PARK7: variants seen among roughly 807,000 people sequenced by gnomAD.
PARK7 encodes the protein Parkinsonism associated deglycase, also known as Parkinson disease protein 7.
In PARK7, 14 loss-of-function variants were observed where a neutral mutation model predicts 20.5. The ratio of observed to expected loss-of-function variants is 0.68; its 90% confidence interval spans 0.45 to 1.07. The LOEUF is 1.07. Among genes scored for constraint, PARK7 ranks in the 50% least tolerant of loss-of-function variants. PARK7 has a pLI of 0.00. For missense variants in PARK7, 234 were observed against 238.1 expected (o/e 0.98, Z 0.11); for synonymous variants, 98 against 84.3 (o/e 1.16, Z -0.89).
rs11801605 is a variant in PARK7 at position 7,969,196 on chromosome 1, A to G, written c.193-149A>G. The G allele has an allele frequency of 6.5e-3, 4,238 of 650,302 alleles. 129 individuals carry two copies. In the African/African-American group the frequency reaches 0.068, roughly 10 times the overall value. The allele number at this position is 650,302 out of a possible 1,614,324, so 40.3% of individuals were successfully genotyped here. A position where few individuals can be genotyped will look rare whatever the true frequency, so the allele number is the denominator to read the frequency against. ...TAAAACACCATTCCGTCATGTGGAT[A>G]CACCTTAATTTATTTAACTGTTCTA... On this transcript the variant is annotated intron_variant, in intron 3 of 6. Coordinates refer to ENST00000338639, the MANE Select transcript of PARK7 (RefSeq NM_007262.5).
chr1:7,979,703 T>C (rs964356914), intron 6 of PARK7, among the ~76,000 whole-genome samples: 2 of 152,134 alleles, frequency 1.3e-5, no homozygotes, highest in Non-Finnish European at 2.9e-5. Flanking sequence ...GGTCTAACCA[T>C]ATTGCACAGT....
chr1:7,968,302 CAAAAA>C (rs34105225), intron 3 of PARK7, among the ~76,000 whole-genome samples: 1 of 101,844 alleles, frequency 9.8e-6, no homozygotes, highest in African/African-American at 3.9e-5. Context: ...GACTCTGTCT[CAAAAA>C]AAAAAAAAAA....
intron 5 of PARK7, among the ~76,000 whole-genome samples, chr1:7,972,336 T>C (rs1640483557): frequency 6.6e-6 from 1 of 152,004 alleles, no homozygotes; most frequent in South Asian, 2.1e-4. Context: ...AGCACAGTAC[T>C]GCATGCATGT....
intron 6 of PARK7, among the ~76,000 whole-genome samples, chr1:7,981,394 A>G (rs1440504175): frequency 6.6e-6 from 1 of 152,206 alleles, no homozygotes; most frequent in Non-Finnish European, 1.5e-5. Context: ...TCAGACAGCC[A>G]CTAAATGGCA....
chr1:7,976,712 TTTA>T (rs1640590243), intron 5 of PARK7, among the ~76,000 whole-genome samples: 1 of 151,436 alleles, frequency 6.6e-6, no homozygotes, highest in Admixed American at 6.6e-5. Context: ...AATTTCCCAT[TTTA>T]TTTATTTATT....
intron 6 of PARK7, among the ~76,000 whole-genome samples, chr1:7,978,735 G>A (rs1640641471): frequency 1.3e-5 from 2 of 151,876 alleles, no homozygotes; most frequent in Admixed American, 6.6e-5. Flanking sequence ...AGTTGCAGCT[G>A]CTCAGGAGGC....
At chr1:7,962,622 T>C in intron 1 of PARK7, 141 bp from the exon 2 acceptor site, 1 of 614,386 alleles carries the variant, frequency 1.6e-6, no homozygotes, top group East Asian at 2.8e-5. Flanking sequence ...CTGCTGCTTT[T>C]TTCGTATTCA....
chr1:7,975,860 C>G (rs1396562375), intron 5 of PARK7, among the ~76,000 whole-genome samples: 1 of 152,128 alleles, frequency 6.6e-6, no homozygotes, highest in Non-Finnish European at 1.5e-5. Context: ...ATTTATAAAT[C>G]CATTCAAATA....
Position 7,977,379 on chromosome 1 carries a change from A to G in PARK7, c.323-273A>G, listed in dbSNP as rs368398161. Among the ~76,000 whole-genome samples the G allele has an allele frequency of 5.9e-5, 9 of 152,338 alleles. No individual in the cohort carries two copies. The South Asian group carries it at 1.9e-3, about 32-fold the overall frequency. ...ATAAACATACTTTATCTCTCATACTAGGAAGTGTTTCATTTCAGAATCGTA... is the reference window on the plus strand; with the variant it reads ...ATAAACATACTTTATCTCTCATACTGGGAAGTGTTTCATTTCAGAATCGTA... On this transcript the variant is annotated intron_variant, in intron 5 of 6. Coordinates refer to ENST00000338639, the MANE Select transcript of PARK7 (RefSeq NM_007262.5).
At chr1:7,963,764 C>T (rs970355691) in intron 2 of PARK7, among the ~76,000 whole-genome samples, 4 of 151,778 alleles carry the variant, frequency 2.6e-5, no homozygotes, top group Non-Finnish European at 5.9e-5. Context: ...GCCCCTTCTT[C>T]CTTCCTTAAA....
intron 6 of PARK7, among the ~76,000 whole-genome samples, chr1:7,981,938 G>A (rs565171341): frequency 4.7e-5 from 7 of 148,062 alleles, no homozygotes; most frequent in South Asian, 2.1e-4. Flanking sequence ...GATTACAGGC[G>A]TGAGCCACTA....
chr1:7,983,097 C>G (rs559926811), intron 6 of PARK7: 1 of 152,342 alleles, frequency 6.6e-6, no homozygotes, highest in East Asian at 1.9e-4. Context: ...CAGAAGCACT[C>G]TGCTTCTGTT....
At chr1:7,983,019 T>A (rs1001035123) in intron 6 of PARK7, 1 of 152,220 alleles carries the variant, frequency 6.6e-6, no homozygotes, top group Non-Finnish European at 1.5e-5. Context: ...GACAAGTTCC[T>A]ATAGCCATTG....
chr1:7,966,267 C>T (rs1354796777), intron 3 of PARK7, among the ~76,000 whole-genome samples: 1 of 151,934 alleles, frequency 6.6e-6, no homozygotes, highest in East Asian at 1.9e-4. Flanking sequence ...TTCCCTGGGC[C>T]GAGCTGTCCT....
intron 4 of PARK7, 27 bp downstream of exon 4, chr1:7,969,431 C>A (rs1278311594): frequency 1.3e-6 from 2 of 1,487,786 alleles, no homozygotes; most frequent in Non-Finnish European, 1.9e-6. Flanking sequence ...AATTATACCT[C>A]AATAAAGCTG....
At chr1:7,979,661 T>C (rs1557450370) in intron 6 of PARK7, among the ~76,000 whole-genome samples, 7 of 152,024 alleles carry the variant, frequency 4.6e-5, no homozygotes, top group Admixed American at 2.0e-4. Flanking sequence ...CCACCACACT[T>C]GGCTAATTTT....
chr1:7,976,413 T>G (rs1640584511), intron 5 of PARK7, among the ~76,000 whole-genome samples: 1 of 152,234 alleles, frequency 6.6e-6, no homozygotes, highest in South Asian at 2.1e-4. Flanking sequence ...AATCCTTATT[T>G]AGGACCATTA....
At chr1:7,972,719 C>T (rs1640490745) in intron 5 of PARK7, among the ~76,000 whole-genome samples, 1 of 152,014 alleles carries the variant, frequency 6.6e-6, no homozygotes, top group Non-Finnish European at 1.5e-5. Flanking sequence ...GCCTGGCAAA[C>T]GTGGTGAAAT....
rs1640237863 is a variant in PARK7, at chr1:7,962,827, A to G, written c.42A>G (p.Ala14=). The change falls in exon 2 of 7, where the codon GCA becomes GCG. Residue 14 remains alanine (A), a synonymous_variant. Coordinates refer to ENST00000338639, the MANE Select transcript of PARK7 (RefSeq NM_007262.5). ...CTCTGGTCATCCTGGCTAAAGGAGCAGAGGAAATGGAGACGGTCATCCCTG... is the reference window on the plus strand; with the variant it reads ...CTCTGGTCATCCTGGCTAAAGGAGCGGAGGAAATGGAGACGGTCATCCCTG... The part of the protein sequence containing the change: ...KRALVILAKG[A]EEMETVIPVD... 2 of 1,613,612 alleles carry G rather than the reference A, an allele frequency of 1.2e-6. No individual in the cohort carries two copies.
Sources: allele counts gnomAD v4.1 joint callset (sites outside exome capture counted in the v4.1 genomes callset), GRCh38; gene constraint gnomAD v4.1.1; transcripts MANE v1.5; gene names NCBI Gene and HGNC (gene_info 2026-07-23, HGNC 2026-07-21).